The following WFDC9 variants were observed in gnomAD, a reference collection of about 807,000 sequenced individuals.
WFDC9 encodes the protein WAP four-disulfide core domain 9, also known as protein WFDC9.
WFDC9 carries 9 observed loss-of-function variants against 9.5 expected under a neutral mutation model. That is an observed-to-expected ratio of 0.95 (90% CI 0.57 to 1.65). The LOEUF (loss-of-function observed/expected upper bound fraction) is 1.65. Among genes scored for constraint, WFDC9 ranks in the 40% most tolerant of loss-of-function variants. The pLI, the probability that WFDC9 is intolerant of heterozygous loss-of-function variation, is 0.00. For missense variants in WFDC9, 87 were observed against 106.7 expected (o/e 0.82, Z 0.81); for synonymous variants, 33 against 32.3 (o/e 1.02, Z -0.07).
At chr20:45,612,967 G>A (rs180960517) in intron 2 of WFDC9, among the ~76,000 whole-genome samples, 9 of 152,280 alleles carry the variant, frequency 5.9e-5, no homozygotes, top group African/African-American at 2.2e-4. Flanking sequence ...GCATGAACAA[G>A]GCAGTGATTT....
chr20:45,617,066 A>G (rs1014419428), intron 1 of WFDC9, among the ~76,000 whole-genome samples: 38 of 152,208 alleles, frequency 2.5e-4, no homozygotes, highest in African/African-American at 8.7e-4. Flanking sequence ...TTGTGTCTTC[A>G]TTGAAAATCT....
chr20:45,610,061 G>A (rs777044227), intron 3 of WFDC9, 30 bp downstream of exon 3: 2 of 1,586,306 alleles, frequency 1.3e-6, no homozygotes, highest in Non-Finnish European at 1.7e-6. Flanking sequence ...GGACTGGGCA[G>A]AGCACCCCGT....
At chr20:45,631,042 C>T (rs761330131) in intron 1 of WFDC9, 161 bp downstream of exon 1, 20 of 1,566,116 alleles carry the variant, frequency 1.3e-5, no homozygotes, top group Non-Finnish European at 1.7e-5. Context: ...CTGGGATGTG[C>T]ATCCTGCTTC....
At chr20:45,619,963 T>C (rs557961120) in intron 1 of WFDC9, among the ~76,000 whole-genome samples, 22 of 152,006 alleles carry the variant, frequency 1.4e-4, no homozygotes, top group Admixed American at 5.2e-4. Flanking sequence ...GAGGCGGAGG[T>C]TGCAGTGAGT....
At chr20:45,626,369 T>C (rs1383166360) in intron 1 of WFDC9, among the ~76,000 whole-genome samples, 1 of 151,944 alleles carries the variant, frequency 6.6e-6, no homozygotes, top group African/African-American at 2.4e-5. Context: ...ATTGACTCTG[T>C]AGATGGTTTA....
intron 1 of WFDC9, among the ~76,000 whole-genome samples, chr20:45,628,508 C>T (rs959087771): frequency 6.6e-6 from 1 of 152,158 alleles, no homozygotes; most frequent in Admixed American, 6.5e-5. Flanking sequence ...TATATAACCC[C>T]TCTTTGCTAG....
chr20:45,622,031 A>G lies in WFDC9; in HGVS notation c.-152-7310T>C, dbSNP rs1982113352. 1.3e-5 allele frequency among the ~76,000 whole-genome samples: 2 copies of G among 150,480 alleles called. 1 individual carries two copies. Among genetic ancestry groups the G allele is most frequent in the South Asian group, 4.2e-4 (2 of 4,808 alleles). On this transcript the variant is annotated intron_variant, in intron 1 of 4. Coordinates refer to ENST00000326000, the MANE Select transcript of WFDC9 (RefSeq NM_147198.4). Reference sequence around the variant, plus strand: ...ATAGTGGTTCTAGATTTATTTTCCTAGTGGAGCACATCCTTCAAGCAGGCT... The same window carrying G: ...ATAGTGGTTCTAGATTTATTTTCCTGGTGGAGCACATCCTTCAAGCAGGCT...
At chr20:45,624,998 A>G (rs1982185889) in intron 1 of WFDC9, among the ~76,000 whole-genome samples, 1 of 152,202 alleles carries the variant, frequency 6.6e-6, no homozygotes, top group African/African-American at 2.4e-5. Context: ...ATCCCCTGTC[A>G]AATGAATAAT....
chr20:45,614,899 C>G (rs906396964), intron 1 of WFDC9, among the ~76,000 whole-genome samples, 178 bp from the exon 2 acceptor site: 7 of 152,150 alleles, frequency 4.6e-5, no homozygotes, highest in African/African-American at 7.2e-5. Flanking sequence ...GTGGGATCCT[C>G]TGAAAAGCTG....
At chr20:45,610,066 C>A (rs1981826103) in intron 3 of WFDC9, 25 bp downstream of exon 3, 2 of 1,606,320 alleles carry the variant, frequency 1.2e-6, no homozygotes, top group Non-Finnish European at 8.5e-7. Context: ...GGGCAGAGCA[C>A]CCCGTCCCTT....
Position 45,608,156 on chromosome 20 carries a change from T to C in WFDC9, c.240-16A>G, listed in dbSNP as rs201807049. 7.9e-5 allele frequency: 127 copies of C among 1,607,746 alleles called. No individual in the cohort carries two copies. In the African/African-American group the frequency reaches 1.6e-3, roughly 21 times the overall value. On this transcript the variant is annotated splice_polypyrimidine_tract_variant and intron_variant, in intron 4 of 4. Coordinates refer to ENST00000326000, the MANE Select transcript of WFDC9 (RefSeq NM_147198.4). ...AAGGGGCTCTCTAGAAGAGAAAAGT[T>C]AGTCAAAAGTCAAGAATCCTGGGAT...
At chr20:45,616,567 T>C (rs1386768715) in intron 1 of WFDC9, among the ~76,000 whole-genome samples, 4 of 152,214 alleles carry the variant, frequency 2.6e-5, no homozygotes, top group Non-Finnish European at 5.9e-5. Context: ...AATTTTTTAA[T>C]TTACTTTGCC....
chr20:45,627,033 G>A lies in WFDC9; in HGVS notation c.-153+4170C>T, dbSNP rs551530148. ...TTGAAAGTTTTTATCATAAAGTGGTGTTGAATTTTATCAAATGCTTTTTCT... is the reference window on the plus strand; with the variant it reads ...TTGAAAGTTTTTATCATAAAGTGGTATTGAATTTTATCAAATGCTTTTTCT... On this transcript the variant is annotated intron_variant, in intron 1 of 4. Transcript: ENST00000326000. Among the ~76,000 whole-genome samples, 4 of 152,324 alleles carry A rather than the reference G, an allele frequency of 2.6e-5. No homozygotes were observed. The East Asian group carries it at 5.8e-4, about 22-fold the overall frequency.
chr20:45,615,246 T>C (rs1981947314), intron 1 of WFDC9, among the ~76,000 whole-genome samples: 1 of 152,156 alleles, frequency 6.6e-6, no homozygotes, highest in African/African-American at 2.4e-5. Flanking sequence ...ACCAAGTTCT[T>C]GCCATGAGCT....
chr20:45,608,793 C>G lies in WFDC9; in HGVS notation c.109G>C (p.Glu37Gln). The part of the protein sequence containing the change: ...NKDPFLDMIR[E>Q]TEQCWVQPPY... ...GGCTGTACCCAGCACTGCTCAGTTT[C>G]TCTTATCATATCTAGAACTGAGATG... The change falls in exon 4 of 5, where the codon GAA (glutamate) becomes CAA (glutamine). Residue 37 changes from glutamate to glutamine, a missense_variant. Glu to Gln is a conservative substitution (Grantham distance 29). Transcript: ENST00000326000. The G allele has an allele frequency of 6.2e-7, 1 of 1,612,490 alleles. No homozygotes were observed. The highest frequency in any genetic ancestry group is 8.5e-7 in the Non-Finnish European group (1 of 1,179,298).
At chr20:45,613,540 G>A (rs778006252) in intron 2 of WFDC9, among the ~76,000 whole-genome samples, 23 of 152,182 alleles carry the variant, frequency 1.5e-4, no homozygotes, top group Non-Finnish European at 2.8e-4. Context: ...AGAGGCAAAA[G>A]CAGCAACATC....
chr20:45,610,252 GA>G lies in WFDC9; in HGVS notation c.-58-14del. 7.4e-7 allele frequency: 1 copy of G among 1,344,892 alleles called. No individual in the cohort carries two copies. Among genetic ancestry groups the G allele is most frequent in the Non-Finnish European group, 1.1e-6 (1 of 948,510 alleles). The allele number at this position is 1,344,892 out of a possible 1,614,324, so 83.3% of individuals were successfully genotyped here. ...TCTTTTCCCAATACTGCTAGACGTA[GA>G]AAATGGATTGAGGAGAACAGGGTAA... is the stretch of plus-strand genomic sequence containing the variant. On this transcript the variant is annotated splice_polypyrimidine_tract_variant and intron_variant, in intron 2 of 4. Transcript: ENST00000326000.
chr20:45,623,329 A>C (rs924084281), intron 1 of WFDC9, among the ~76,000 whole-genome samples: 1 of 152,048 alleles, frequency 6.6e-6, no homozygotes, highest in Non-Finnish European at 1.5e-5. Flanking sequence ...GAAAAACCAG[A>C]TCTGTGGTGT....
chr20:45,608,165 G>T (rs367917564), intron 4 of WFDC9, 25 bp from the exon 5 acceptor site: 9 of 1,605,672 alleles, frequency 5.6e-6, no homozygotes, highest in African/African-American at 1.3e-5. Context: ...TTAGTCAAAA[G>T]TCAAGAATCC....
Sources: gnomAD v4.1 joint callset for allele counts (sites outside exome capture counted in the v4.1 genomes callset) on GRCh38, gnomAD v4.1.1 for gene constraint, MANE v1.5 for transcripts, NCBI Gene and HGNC (gene_info 2026-07-23, HGNC 2026-07-21) for gene names.